The following RNF6 variants were observed in gnomAD, a reference collection of about 807,000 sequenced individuals.
RNF6 encodes the protein ring finger protein 6.
Under a neutral mutation model 50.1 loss-of-function variants are expected in RNF6, and 21 were observed. The observed-to-expected ratio is 0.42, with a 90% confidence interval of 0.30 to 0.60. RNF6 has a LOEUF of 0.60. Ranked by LOEUF, RNF6 falls within the 20% of genes least tolerant of loss-of-function variation. The pLI is 0.20. For missense variants in RNF6, 698 were observed against 838.2 expected (o/e 0.83, Z 2.07); for synonymous variants, 255 against 291.8 (o/e 0.87, Z 1.29).
intron 5 of RNF6, chr13:26,150,783 T>C (rs899108056): frequency 2.0e-5 from 3 of 152,136 alleles, no homozygotes; most frequent in African/African-American, 7.2e-5. Context: ...TTTGAGAACA[T>C]TTCATTATTT....
intron 5 of RNF6, among the ~76,000 whole-genome samples, chr13:26,176,314 G>A (rs937949388): frequency 6.6e-6 from 1 of 152,138 alleles, no homozygotes; most frequent in African/African-American, 2.4e-5. Context: ...GAGAGAGACA[G>A]GGTCTTGCTC....
intron 5 of RNF6, among the ~76,000 whole-genome samples, chr13:26,153,669 G>A (rs1871754366): frequency 6.6e-6 from 1 of 152,178 alleles, no homozygotes; most frequent in African/African-American, 2.4e-5. Flanking sequence ...ACCAGATTAT[G>A]GAAAGCCTTG....
At chr13:26,175,112 G>A (rs188869364) in intron 5 of RNF6, among the ~76,000 whole-genome samples, 20 of 152,098 alleles carry the variant, frequency 1.3e-4, no homozygotes, top group Non-Finnish European at 2.4e-4. Flanking sequence ...ACAGAGTCTC[G>A]CTCTGTCACC....
downstream of RNF6, among the ~76,000 whole-genome samples, chr13:26,209,621 G>A (rs374167853): frequency 1.8e-4 from 27 of 152,324 alleles, no homozygotes; most frequent in East Asian, 4.8e-3. Context: ...GGGCTAAATT[G>A]TGTCACTTCA....
chr13:26,178,597 T>TGC (rs1477472525), intron 5 of RNF6, among the ~76,000 whole-genome samples: 2 of 83,016 alleles, frequency 2.4e-5, no homozygotes. Flanking sequence ...GGTCCGTGTG[T>TGC]GTGTGTGTGT....
intron 5 of RNF6, among the ~76,000 whole-genome samples, chr13:26,191,400 G>C (rs950019535): frequency 6.6e-6 from 1 of 152,068 alleles, no homozygotes; most frequent in Non-Finnish European, 1.5e-5. Flanking sequence ...GCAGAGTGGC[G>C]GTCAATTAAT....
At chr13:26,159,868 A>G (rs1872114874) in intron 5 of RNF6, among the ~76,000 whole-genome samples, 1 of 152,190 alleles carries the variant, frequency 6.6e-6, no homozygotes, top group Admixed American at 6.5e-5. Context: ...GAAAGCATTA[A>G]AGAAAAGTTA....
Position 26,174,730 on chromosome 13 carries a change from C to T in RNF6, n.768+40744G>A, listed in dbSNP as rs546745098. Reference sequence around the variant, plus strand: ...CCTGAATGTTGCCACTCGGCACAAACGGTCCCAATCCCAGATTGCAGCCCC... The same window carrying T: ...CCTGAATGTTGCCACTCGGCACAAATGGTCCCAATCCCAGATTGCAGCCCC... On this transcript the variant is annotated intron_variant and non_coding_transcript_variant, in intron 5 of 5. Coordinates refer to the RNF6 transcript ENST00000468480. Among the ~76,000 whole-genome samples, 48 of 152,266 alleles carry T rather than the reference C, an allele frequency of 3.2e-4. 1 individual carries two copies. The highest frequency in any genetic ancestry group is 1.1e-3 in the African/African-American group (46 of 41,544).
chr13:26,194,222 CAGT>C (rs534245131), intron 5 of RNF6, among the ~76,000 whole-genome samples: 156 of 152,202 alleles, frequency 1.0e-3, no homozygotes, highest in African/African-American at 3.6e-3. Context: ...TAAATTTTAA[CAGT>C]GGTTATGGTT....
At chr13:26,181,204 C>T (rs369070857) in intron 5 of RNF6, among the ~76,000 whole-genome samples, 3 of 152,184 alleles carry the variant, frequency 2.0e-5, no homozygotes, top group East Asian at 1.9e-4. Flanking sequence ...CCAGGGAAAG[C>T]ATGGCTTCCA....
At chr13:26,150,109 T>C (rs1453542562) in intron 5 of RNF6, among the ~76,000 whole-genome samples, 3 of 150,852 alleles carry the variant, frequency 2.0e-5, no homozygotes, top group Admixed American at 1.3e-4. Flanking sequence ...ATAGTGTGTC[T>C]GGTACATAGT....
chr13:26,153,497 C>T (rs1002297149), intron 5 of RNF6, among the ~76,000 whole-genome samples: 6 of 152,224 alleles, frequency 3.9e-5, no homozygotes, highest in Non-Finnish European at 8.8e-5. Context: ...AGGCATGAGC[C>T]ACCGCACCCA....
At position 26,178,057 on chromosome 13, in the gene RNF6, C is replaced by T. The variant is rs146022914; in HGVS notation, n.768+37417G>A. Among the ~76,000 whole-genome samples, 1,206 of 152,204 alleles carry T rather than the reference C, an allele frequency of 7.9e-3. 20 individuals are homozygous for T. Among genetic ancestry groups the T allele is most frequent in the African/African-American group, 0.028 (1,148 of 41,532 alleles). On this transcript the variant is annotated intron_variant and non_coding_transcript_variant, in intron 5 of 5. Coordinates refer to the RNF6 transcript ENST00000468480. ...AAAAAAATTTAGCCAGGCATGGTGGCAGGCACCTGTAATCCCAGCTACTCA... is the reference window on the plus strand; with the variant it reads ...AAAAAAATTTAGCCAGGCATGGTGGTAGGCACCTGTAATCCCAGCTACTCA...
intron 4 of RNF6, among the ~76,000 whole-genome samples, chr13:26,215,882 A>G (rs149345283): frequency 0.011 from 1,664 of 152,366 alleles, 20 homozygotes; most frequent in African/African-American, 0.038. Context: ...CTAGCAAAAT[A>G]CTAAGGCAAA....
intron 5 of RNF6, among the ~76,000 whole-genome samples, chr13:26,191,732 C>T (rs1443626602): frequency 2.0e-5 from 3 of 152,196 alleles, no homozygotes; most frequent in Non-Finnish European, 4.4e-5. Flanking sequence ...AAATAAACCT[C>T]TTTATAAATC....
chr13:26,174,344 C>T (rs1032376702), intron 5 of RNF6, among the ~76,000 whole-genome samples: 5 of 151,944 alleles, frequency 3.3e-5, no homozygotes, highest in Admixed American at 6.6e-5. Context: ...AGCTGCAATA[C>T]GTAAAGGGAC....
intron 5 of RNF6, among the ~76,000 whole-genome samples, chr13:26,190,878 G>T (rs1460616893): frequency 6.6e-6 from 1 of 152,112 alleles, no homozygotes; most frequent in East Asian, 1.9e-4. Context: ...ATCATCATCA[G>T]TATCAACATT....
rs1173903160 is a variant in RNF6, at chr13:26,178,693, T to A, written n.768+36781A>T. ...AGCAGATTTCAACTATATAATATTG[T>A]ATTGTTAACTACAGTCATCAGATGT... On this transcript the variant is annotated intron_variant and non_coding_transcript_variant, in intron 5 of 5. Coordinates refer to the RNF6 transcript ENST00000468480. 3.3e-5 allele frequency among the ~76,000 whole-genome samples: 5 copies of A among 151,566 alleles called. 1 individual carries two copies. Among genetic ancestry groups the A allele is most frequent in the Admixed American group, 2.6e-4 (4 of 15,188 alleles).
intron 5 of RNF6, among the ~76,000 whole-genome samples, chr13:26,145,170 G>A (rs963442855): frequency 2.0e-5 from 3 of 152,230 alleles, no homozygotes; most frequent in African/African-American, 7.2e-5. Flanking sequence ...ACCAGAAACT[G>A]AGGGAATGTT....
Sources: allele counts gnomAD v4.1 joint callset (sites outside exome capture counted in the v4.1 genomes callset), GRCh38; gene constraint gnomAD v4.1.1; transcripts MANE v1.5; gene names NCBI Gene and HGNC (gene_info 2026-07-23, HGNC 2026-07-21).